ARHGEF18: variants seen among roughly 807,000 people sequenced by gnomAD.
ARHGEF18 encodes the protein rho guanine nucleotide exchange factor 18.
In ARHGEF18, 93 loss-of-function variants were observed where a neutral mutation model predicts 155.7. The ratio of observed to expected loss-of-function variants is 0.60; its 90% CI spans 0.50 to 0.71. ARHGEF18 has a LOEUF of 0.71. ARHGEF18 is among the 30% of genes least tolerant of loss of function. The pLI is 0.00. For missense variants in ARHGEF18, 1,593 were observed against 1,816.1 expected, an observed-to-expected ratio of 0.88 and a Z score of 2.23; for synonymous variants, 742 against 753.1, an observed-to-expected ratio of 0.99 and a Z score of 0.24.
intron 1 of ARHGEF18, among the ~76,000 whole-genome samples, chr19:7,351,693 TC>T (rs1969161167): frequency 3.7e-5 from 3 of 82,020 alleles, no homozygotes; most frequent in Admixed American, 2.8e-4. Flanking sequence ...TCTCTGCCTC[TC>T]TCTCTCTCTC....
intron 8 of ARHGEF18, among the ~76,000 whole-genome samples, chr19:7,381,954 C>T (rs1970767862): frequency 6.6e-6 from 1 of 152,192 alleles, no homozygotes; most frequent in Admixed American, 6.6e-5. Flanking sequence ...AATGGCGTCT[C>T]CGCCCAGGAA....
Position 7,395,371 on chromosome 19 carries a change from G to T in ARHGEF18, c.967+12168G>T. On this transcript the variant is annotated intron_variant, in intron 10 of 28. Transcript: ENST00000668164. The surrounding 1 kb of genome is among the most constrained non-coding windows in gnomAD (Gnocchi z 5.0). ...GCCTCGGGCCTCCCGCCGGCTCCTGGGGGACTTCTCCAGGCAGGCGAACGG... is the reference window on the plus strand; with the variant it reads ...GCCTCGGGCCTCCCGCCGGCTCCTGTGGGACTTCTCCAGGCAGGCGAACGG... 1 of 949,564 alleles carries T rather than the reference G, an allele frequency of 1.1e-6. No homozygotes were observed. The highest frequency in any genetic ancestry group is 1.3e-6 in the Non-Finnish European group (1 of 797,206). The allele number at this position is 949,564 out of a possible 1,614,324, so 58.8% of individuals were successfully genotyped here. A position where few individuals can be genotyped will look rare whatever the true frequency, so the allele number is the denominator to read the frequency against.
At chr19:7,478,367 C>G in the ARHGEF18 span, 1 of 1,610,482 alleles carries the variant, frequency 6.2e-7, no homozygotes, top group Non-Finnish European at 8.5e-7. Context: ...TCAGCAGCAT[C>G]CACAGGGACC....
At chr19:7,386,877 G>A (rs1971110696) in intron 10 of ARHGEF18, among the ~76,000 whole-genome samples, 1 of 151,940 alleles carries the variant, frequency 6.6e-6, no homozygotes, top group Admixed American at 6.6e-5. Flanking sequence ...TTGCTGCTTC[G>A]GATCCCTTCT....
At chr19:7,466,842 G>GAAT in intron 23 of ARHGEF18, 76 bp from the exon 24 acceptor site, 1 of 687,416 alleles carries the variant, frequency 1.5e-6, no homozygotes, top group Non-Finnish European at 2.4e-6. Flanking sequence ...AAAAAAAGAA[G>GAAT]AAGAAGAAGA....
rs554072838 is a variant in ARHGEF18, at chr19:7,455,943, C to G, written c.2105-384C>G. On this transcript the variant is annotated intron_variant, in intron 17 of 28. Coordinates refer to ENST00000668164, the MANE Select transcript of ARHGEF18 (RefSeq NM_001367823.1). The stretch of plus-strand genomic sequence containing the variant: ...ATGATTCAATTACCTCCCACCAGGT[C>G]CCTCTTACAGCACGTGGGAATTCAA... Among the ~76,000 whole-genome samples, 20 of 152,334 alleles carry G rather than the reference C, an allele frequency of 1.3e-4. No homozygotes were observed. In the East Asian group the frequency reaches 3.7e-3, roughly 28 times the overall value.
chr19:7,424,649 C>T (rs1973548856), intron 10 of ARHGEF18, among the ~76,000 whole-genome samples: 1 of 152,016 alleles, frequency 6.6e-6, no homozygotes, highest in Non-Finnish European at 1.5e-5. Context: ...GAGTGCTGGT[C>T]GATTTTAATT....
rs536479970 is a variant in ARHGEF18 at position 7,399,629 on chromosome 19, T to C, written c.967+16426T>C. On this transcript the variant is annotated intron_variant, in intron 10 of 28. Coordinates refer to ENST00000668164, the MANE Select transcript of ARHGEF18 (RefSeq NM_001367823.1). The stretch of plus-strand genomic sequence containing the variant: ...CCGAGTAGCTGGGACTACAGGTGCC[T>C]GCCACCACGCCTGGCTAATTTTTTG... 2.5e-3 allele frequency among the ~76,000 whole-genome samples: 383 copies of C among 152,002 alleles called. 1 individual carries two copies. Among genetic ancestry groups the C allele is most frequent in the Non-Finnish European group, 4.5e-3 (306 of 67,946 alleles).
chr19:7,407,503 G>A (rs935763354), intron 10 of ARHGEF18, among the ~76,000 whole-genome samples: 9 of 151,866 alleles, frequency 5.9e-5, no homozygotes, highest in Admixed American at 2.0e-4. Flanking sequence ...AATTTCAAGC[G>A]TCTGGAATTC....
downstream of ARHGEF18, chr19:7,472,978 G>C (rs111852362): frequency 2.6e-5 from 12 of 455,878 alleles, no homozygotes; most frequent in South Asian, 1.7e-4. Context: ...CTGGGATTAC[G>C]GGCACAGGGC....
At chr19:7,399,242 G>A (rs563638366) in intron 10 of ARHGEF18, among the ~76,000 whole-genome samples, 1 of 152,256 alleles carries the variant, frequency 6.6e-6, no homozygotes, top group East Asian at 1.9e-4. Flanking sequence ...TTTTTGAGGG[G>A]AGGATTGTGG....
chr19:7,363,538 T>A (rs1030094146), intron 2 of ARHGEF18, among the ~76,000 whole-genome samples: 10 of 148,884 alleles, frequency 6.7e-5, no homozygotes, highest in African/African-American at 2.5e-4. Flanking sequence ...GGAAGAAAGA[T>A]GAGAAATGTG....
chr19:7,358,914 G>A (rs1257716318), intron 1 of ARHGEF18, among the ~76,000 whole-genome samples: 2 of 152,210 alleles, frequency 1.3e-5, no homozygotes, highest in African/African-American at 2.4e-5. Context: ...TGTAAAAGTG[G>A]ATCAGATATA....
intron 8 of ARHGEF18, 104 bp from the exon 9 acceptor site, chr19:7,382,688 G>A: frequency 1.4e-6 from 1 of 711,348 alleles, no homozygotes; most frequent in Non-Finnish European, 1.9e-6. Context: ...AGGACCAGGA[G>A]GCCACAGGGA....
At chr19:7,428,983 A>T (rs1973811622) in intron 10 of ARHGEF18, among the ~76,000 whole-genome samples, 1 of 152,074 alleles carries the variant, frequency 6.6e-6, no homozygotes, top group Admixed American at 6.6e-5. Context: ...TAAAGTCGGG[A>T]GTGTGGTGAG....
At position 7,443,361 on chromosome 19, in the gene ARHGEF18, G is replaced by A. The variant is rs1391287495; in HGVS notation, c.1361-843G>A. 3.3e-5 allele frequency among the ~76,000 whole-genome samples: 5 copies of A among 151,970 alleles called. No homozygotes were observed. In the East Asian group the frequency reaches 7.7e-4, roughly 23 times the overall value. ...TCAGCCACCATGCCCGGCCATGCCC[G>A]GCTCATTTTTTTATTTTTTGGTAGA... On this transcript the variant is annotated intron_variant, in intron 13 of 28. Transcript: ENST00000668164.
intron 10 of ARHGEF18, among the ~76,000 whole-genome samples, chr19:7,411,273 C>CCCCTTT (rs1452830796): frequency 3.7e-5 from 4 of 108,962 alleles, no homozygotes; most frequent in East Asian, 6.5e-4. Flanking sequence ...CCTTCCCCTT[C>CCCCTTT]CCCTTTCCCT....
At chr19:7,456,435 G>A (rs183985551) in intron 18 of ARHGEF18, 32 bp downstream of exon 18, 61 of 1,601,782 alleles carry the variant, frequency 3.8e-5, no homozygotes, top group Middle Eastern at 1.7e-4. Flanking sequence ...ACGAAGGGTC[G>A]GCTGGGTGCT....
At position 7,468,902 on chromosome 19, in the gene ARHGEF18, CGTGGGGCCAGAGTACGCA is replaced by C. The variant is rs781415264; in HGVS notation, c.3560_3577del (p.Val1187_Ala1192del). 7 of 1,575,248 alleles carry C rather than the reference CGTGGGGCCAGAGTACGCA, an allele frequency of 4.4e-6. No individual in the cohort carries two copies. Among genetic ancestry groups the C allele is most frequent in the Non-Finnish European group, 5.2e-6 (6 of 1,160,810 alleles). On this transcript the variant is annotated inframe_deletion, in exon 27 of 29. Transcript: ENST00000668164. ...CTCGTGTGAGCATGCTGCCATCCGG[CGTGGGGCCAGAGTACGCA>C]GAGCGCCCCGAGGTGGCTCGCCGGG...
Sources: allele counts gnomAD v4.1 joint callset (sites outside exome capture counted in the v4.1 genomes callset), GRCh38; gene constraint gnomAD v4.1.1; non-coding constraint Gnocchi (gnomAD v3.1); transcripts MANE v1.5; gene names NCBI Gene and HGNC (gene_info 2026-07-23, HGNC 2026-07-21).